SYNC: variants seen among roughly 807,000 people sequenced by gnomAD.
The protein encoded by SYNC is syncoilin, intermediate filament protein.
In SYNC, 38 loss-of-function variants were observed where a neutral mutation model predicts 49.5. That is an observed-to-expected ratio of 0.77 (90% CI 0.59 to 1.01). The LOEUF is 1.01. Among genes scored for constraint, SYNC ranks in the 50% least tolerant of loss-of-function variants. The probability of loss-of-function intolerance (pLI) is 0.00; values close to 1 mark genes in which losing one functional copy is unlikely to be tolerated. For synonymous variants in SYNC, 201 were observed against 230.8 expected (o/e 0.87, Z 1.17); for missense variants, 579 against 580.6 (o/e 1.00, Z 0.03).
intron 2 of SYNC, 101 bp downstream of exon 2, chr1:32,694,763 TC>T: frequency 8.3e-7 from 1 of 1,209,126 alleles, no homozygotes; most frequent in Non-Finnish European, 1.1e-6. Flanking sequence ...AAATTTTTCT[TC>T]CTACATGTGA....
chr1:32,702,856 G>A (rs1168421350), upstream of SYNC: 8 of 247,128 alleles, frequency 3.2e-5, no homozygotes, highest in South Asian at 7.7e-4. This position sits in a 1 kb window ranked among gnomAD's most constrained non-coding sequence, Gnocchi z 6.2. Flanking sequence ...GGGGCGGGGA[G>A]AGGCTGCCCC....
chr1:32,684,550 G>A, intron 2 of SYNC, 168 bp from the exon 3 acceptor site: 1 of 982,230 alleles, frequency 1.0e-6, no homozygotes. Context: ...GTTGTGTCTT[G>A]GAAAAAAAGT....
Position 32,681,683 on chromosome 1 carries a change from A to C in SYNC, c.*167T>G. ...ATGTTCTGCCTCCGGCCAACTCTAG[A>C]ATCTTTTTAAGCAGGTCAGCCAGTA... On this transcript the variant is annotated 3_prime_UTR_variant, in exon 5 of 5. Coordinates refer to ENST00000409190, the MANE Select transcript of SYNC (RefSeq NM_030786.3). 1 of 1,022,746 alleles carries C rather than the reference A, an allele frequency of 9.8e-7. No individual in the cohort carries two copies. The highest frequency in any genetic ancestry group is 1.5e-6 in the Non-Finnish European group (1 of 675,370). 63.4% of individuals were successfully genotyped at this position (1,022,746 alleles called of 1,614,324 possible). A position where few individuals can be genotyped will look rare whatever the true frequency, so the allele number is the denominator to read the frequency against.
At chr1:32,699,687 C>G (rs181020303) in intron 1 of SYNC, among the ~76,000 whole-genome samples, 1 of 151,758 alleles carries the variant, frequency 6.6e-6, no homozygotes, top group Non-Finnish European at 1.5e-5. Context: ...CAAATTGCTA[C>G]GCATGGTTTC....
rs360042 is a variant in SYNC, at chr1:32,695,277, C to T, written c.821G>A (p.Arg274Gln). The change falls in exon 2 of 5, where the codon CGG (arginine) becomes CAG (glutamine). Residue 274 changes from arginine (R) to glutamine (Q), a missense_variant. Physicochemically the swap from Arg to Gln is conservative, Grantham distance 43. Transcript: ENST00000409190. ...QQDVAQFADFREVLTTRATQL... is the reference protein window; with the variant it reads ...QQDVAQFADFQEVLTTRATQL... Reference sequence around the variant, plus strand: ...GGTTGCCCTTGTAGTCAGCACTTCCCGGAAATCGGCAAACTGAGCCACGTC... The same window carrying T: ...GGTTGCCCTTGTAGTCAGCACTTCCTGGAAATCGGCAAACTGAGCCACGTC... 1,467,374 of 1,551,434 alleles carry T rather than the reference C, an allele frequency of 0.95. 695,657 individuals carry two copies. The highest frequency in any genetic ancestry group is 0.96 in the Non-Finnish European group (1,105,144 of 1,147,058).
intron 1 of SYNC, among the ~76,000 whole-genome samples, chr1:32,701,107 G>C (rs1570931568): frequency 6.6e-6 from 1 of 152,138 alleles, no homozygotes; most frequent in East Asian, 1.9e-4. Flanking sequence ...GTAGAGCCGG[G>C]TTTCACCATG....
At position 32,680,243 on chromosome 1, in the gene SYNC, C is replaced by T; in HGVS notation, c.*1607G>A. On this transcript the variant is annotated 3_prime_UTR_variant, in exon 5 of 5. Transcript: ENST00000409190. ...GGTTTCTTCAGTTAAGTCAAAACAA[C>T]ACGTTCCTCTTTCCCCATATATTCA... 1 of 1,169,634 alleles carries T rather than the reference C, an allele frequency of 8.5e-7. No homozygotes were observed. Among genetic ancestry groups the T allele is most frequent in the Non-Finnish European group, 1.1e-6 (1 of 946,832 alleles). 72.5% of individuals were successfully genotyped at this position (1,169,634 alleles called of 1,614,324 possible).
intron 2 of SYNC, among the ~76,000 whole-genome samples, chr1:32,693,124 C>T (rs1183752012): frequency 1.3e-5 from 2 of 150,470 alleles, no homozygotes; most frequent in African/African-American, 4.9e-5. Context: ...ACTCTGTCAC[C>T]CAGGCTAGAG....
chr1:32,696,205 C>T (rs360040), intron 1 of SYNC, among the ~76,000 whole-genome samples, 161 bp from the exon 2 acceptor site: 136,821 of 151,884 alleles, frequency 0.9, 62,070 homozygotes, highest in Non-Finnish European at 0.96. Context: ...ACACACCCAA[C>T]CACGGTGTAG....
At chr1:32,698,293 C>T (rs1195800965) in intron 1 of SYNC, among the ~76,000 whole-genome samples, 4 of 149,980 alleles carry the variant, frequency 2.7e-5, no homozygotes, top group South Asian at 2.1e-4. Flanking sequence ...CTGAGGCAGG[C>T]GGATCATGAG....
At chr1:32,697,625 T>A (rs934245036) in intron 1 of SYNC, among the ~76,000 whole-genome samples, 11 of 150,752 alleles carry the variant, frequency 7.3e-5, no homozygotes, top group Non-Finnish European at 1.3e-4. Context: ...TAGTCCCAGA[T>A]ACTTGGGAGG....
intron 1 of SYNC, among the ~76,000 whole-genome samples, chr1:32,698,202 G>A (rs1239304958): frequency 2.7e-5 from 3 of 112,210 alleles, no homozygotes; most frequent in Non-Finnish European, 3.4e-5. Context: ...GCGACAGACC[G>A]GGACTCCATC....
intron 1 of SYNC, among the ~76,000 whole-genome samples, chr1:32,701,276 C>A (rs892254376): frequency 6.6e-6 from 1 of 152,178 alleles, no homozygotes; most frequent in Non-Finnish European, 1.5e-5. Context: ...GCTCAAACTT[C>A]ATCTCTTCCG....
chr1:32,698,624 T>C (rs1371845298), intron 1 of SYNC, among the ~76,000 whole-genome samples: 1 of 152,220 alleles, frequency 6.6e-6, no homozygotes, highest in Middle Eastern at 3.2e-3. Context: ...TCAAACGCTC[T>C]TGAAGTCAGA....
chr1:32,703,451 G>A (rs1000406000), upstream of SYNC: 2 of 152,414 alleles, frequency 1.3e-5, no homozygotes, highest in African/African-American at 4.8e-5. Context: ...TCAACTTCAA[G>A]ACATACCTCC....
At chr1:32,685,763 C>G (rs1223484096) in intron 2 of SYNC, 1 of 152,204 alleles carries the variant, frequency 6.6e-6, no homozygotes, top group Non-Finnish European at 1.5e-5. Flanking sequence ...CTTGGAAAAG[C>G]AGTCTGCACC....
rs756180121 is a variant in SYNC, at chr1:32,695,988, T to G, written c.110A>C (p.Glu37Ala). 8 of 1,541,746 alleles carry G rather than the reference T, an allele frequency of 5.2e-6. No homozygotes were observed. Among genetic ancestry groups the G allele is most frequent in the Non-Finnish European group, 6.1e-6 (7 of 1,146,952 alleles). The change falls in exon 2 of 5, where the codon GAG becomes GCG. Residue 37 changes from glutamate to alanine, a missense_variant. Coordinates refer to ENST00000409190, the MANE Select transcript of SYNC (RefSeq NM_030786.3). ...PLPKNSGSLNEAEALNPEVTL... is the reference protein window; with the variant it reads ...PLPKNSGSLNAAEALNPEVTL... Reference sequence around the variant, plus strand: ...AACTTCTGGGTTCAAGGCTTCTGCCTCATTTAGGGATCCAGAGTTCTTTGG... The same window carrying G: ...AACTTCTGGGTTCAAGGCTTCTGCCGCATTTAGGGATCCAGAGTTCTTTGG...
At chr1:32,687,581 G>C (rs1324993218) in intron 2 of SYNC, among the ~76,000 whole-genome samples, 1 of 149,970 alleles carries the variant, frequency 6.7e-6, no homozygotes, top group Non-Finnish European at 1.5e-5. Flanking sequence ...TGAGGCAGGA[G>C]AATTGACTTG....
chr1:32,691,349 C>G (rs772796384), intron 2 of SYNC, among the ~76,000 whole-genome samples: 2 of 151,324 alleles, frequency 1.3e-5, no homozygotes, highest in Non-Finnish European at 2.9e-5. Flanking sequence ...GAGCCGAGAT[C>G]ACGCTATTGC....
Sources: gnomAD v4.1 joint callset for allele counts (sites outside exome capture counted in the v4.1 genomes callset) on GRCh38, gnomAD v4.1.1 for gene constraint, Gnocchi (gnomAD v3.1) non-coding constraint, MANE v1.5 for transcripts, NCBI Gene and HGNC (gene_info 2026-07-23, HGNC 2026-07-21) for gene names.